CELF4: variants seen among roughly 807,000 people sequenced by gnomAD.
The protein encoded by CELF4 is CUGBP Elav-like family member 4.
Under a neutral mutation model 59.9 loss-of-function variants are expected in CELF4, and 18 were observed. That is an observed-to-expected ratio of 0.30 (90% confidence interval 0.21 to 0.45). CELF4 has a LOEUF of 0.45. Among genes scored for constraint, CELF4 ranks in the 20% least tolerant of loss-of-function variants. The pLI, the probability that CELF4 is intolerant of heterozygous loss-of-function variation, is 1.00. For missense variants in CELF4, 456 were observed against 689.0 expected (o/e 0.66, Z 3.79); for synonymous variants, 261 against 267.1 (o/e 0.98, Z 0.22).
intron 2 of CELF4, among the ~76,000 whole-genome samples, chr18:37,460,404 G>A (rs1428949539): frequency 3.3e-5 from 5 of 152,302 alleles, no homozygotes; most frequent in African/African-American, 7.2e-5. Flanking sequence ...TGAGGACATC[G>A]TGCAGCCCAA....
chr18:37,557,263 T>C (rs185937368), intron 1 of CELF4, among the ~76,000 whole-genome samples: 406 of 152,334 alleles, frequency 2.7e-3, no homozygotes, highest in Non-Finnish European at 4.9e-3. Context: ...TGTGTTTCTA[T>C]AAACTCCTTT....
At chr18:37,506,145 ACAAAT>A (rs1331408326) in intron 1 of CELF4, among the ~76,000 whole-genome samples, 1 of 151,882 alleles carries the variant, frequency 6.6e-6, no homozygotes, top group East Asian at 1.9e-4. Context: ...GAGCAGAAAA[ACAAAT>A]CAAAGTTGCC....
At chr18:37,457,975 G>C (rs529571468) in intron 2 of CELF4, among the ~76,000 whole-genome samples, 1 of 152,132 alleles carries the variant, frequency 6.6e-6, no homozygotes, top group African/African-American at 2.4e-5. Context: ...GATTCACACC[G>C]AGGTGTCAGG....
At chr18:37,419,133 C>T (rs1327261166) in intron 2 of CELF4, among the ~76,000 whole-genome samples, 15 of 152,196 alleles carry the variant, frequency 9.9e-5, no homozygotes, top group Admixed American at 2.0e-4. Context: ...ATTTCCTCAG[C>T]ACCTAGTGCA....
intron 1 of CELF4, among the ~76,000 whole-genome samples, chr18:37,505,828 C>G (rs2099937200): frequency 6.6e-6 from 1 of 152,214 alleles, no homozygotes; most frequent in African/African-American, 2.4e-5. Context: ...GCTCCCAGTA[C>G]ACTGCCAGGC....
At chr18:37,437,595 T>C (rs1238586250) in intron 2 of CELF4, among the ~76,000 whole-genome samples, 1 of 152,078 alleles carries the variant, frequency 6.6e-6, no homozygotes, top group Non-Finnish European at 1.5e-5. Context: ...AGGTAAGGCA[T>C]TAGAGTGGCT....
chr18:37,313,185 C>A (rs2096738390), intron 3 of CELF4, among the ~76,000 whole-genome samples: 1 of 152,184 alleles, frequency 6.6e-6, no homozygotes, highest in African/African-American at 2.4e-5. Flanking sequence ...CAAACCAACA[C>A]CAAATCAATG....
At chr18:37,296,810 C>T (rs2095669411) in intron 3 of CELF4, among the ~76,000 whole-genome samples, 1 of 152,200 alleles carries the variant, frequency 6.6e-6, no homozygotes, top group Non-Finnish European at 1.5e-5. Context: ...CTAAAGGAAG[C>T]TGTTGAACTG....
intron 1 of CELF4, 54 bp from the exon 2 acceptor site, chr18:37,485,661 C>G: frequency 8.2e-7 from 1 of 1,221,554 alleles, no homozygotes. Context: ...CCGGGCCCGC[C>G]GACGCGCCCT....
At chr18:37,343,598 T>C (rs1424384298) in intron 2 of CELF4, among the ~76,000 whole-genome samples, 1 of 151,728 alleles carries the variant, frequency 6.6e-6, no homozygotes, top group Non-Finnish European at 1.5e-5. Context: ...GGGTTGCGTG[T>C]GTATATGTGG....
intron 1 of CELF4, among the ~76,000 whole-genome samples, chr18:37,551,864 C>T (rs2099983298): frequency 6.6e-6 from 1 of 152,206 alleles, no homozygotes; most frequent in Admixed American, 6.5e-5. Flanking sequence ...ACTGATTCTC[C>T]CTCAGCCAGG....
intron 3 of CELF4, among the ~76,000 whole-genome samples, chr18:37,292,589 G>C (rs1603228086): frequency 6.6e-6 from 1 of 152,316 alleles, no homozygotes. Flanking sequence ...CCCTGGAATG[G>C]AGGAAACTTG....
At chr18:37,292,495 G>A (rs549134231) in intron 3 of CELF4, among the ~76,000 whole-genome samples, 3 of 152,142 alleles carry the variant, frequency 2.0e-5, no homozygotes, top group Non-Finnish European at 4.4e-5. Context: ...TGGGTGGAGG[G>A]GGTGTCCCAG....
At chr18:37,487,266 C>G (rs916042034) in intron 1 of CELF4, among the ~76,000 whole-genome samples, 3 of 152,214 alleles carry the variant, frequency 2.0e-5, no homozygotes, top group African/African-American at 7.2e-5. Context: ...CCTTCCCTTT[C>G]TGGCTTCAGA....
At chr18:37,293,902 T>C (rs1444440344) in intron 3 of CELF4, among the ~76,000 whole-genome samples, 1 of 114,250 alleles carries the variant, frequency 8.8e-6, no homozygotes, top group Non-Finnish European at 1.8e-5. Context: ...CTTTACCACA[T>C]CAAACATATG....
intron 1 of CELF4, among the ~76,000 whole-genome samples, chr18:37,524,909 C>G (rs576912477): frequency 1.3e-5 from 2 of 152,146 alleles, no homozygotes; most frequent in African/African-American, 4.8e-5. Context: ...CGGCTGCGCC[C>G]CAGTCCCGAG....
At chr18:37,560,007 TCA>T (rs2099986053) in intron 1 of CELF4, among the ~76,000 whole-genome samples, 1 of 152,236 alleles carries the variant, frequency 6.6e-6, no homozygotes, top group African/African-American at 2.4e-5. Flanking sequence ...AGAAAAGATT[TCA>T]TTTTGTTGTG....
intron 12 of CELF4, chr18:37,247,620 A>AACACACACACACGC (rs2062828721): frequency 6.6e-6 from 1 of 151,686 alleles, no homozygotes; most frequent in Non-Finnish European, 1.5e-5. Context: ...TGGGCACATC[A>AACACACACACACGC]ACACACACAC....
At chr18:37,554,107 C>T (rs2099984061) in intron 1 of CELF4, among the ~76,000 whole-genome samples, 1 of 152,140 alleles carries the variant, frequency 6.6e-6, no homozygotes, top group African/African-American at 2.4e-5. Context: ...TGACTGAATG[C>T]TGGTGCCAGA....
Sources: gnomAD v4.1 joint callset for allele counts (sites outside exome capture counted in the v4.1 genomes callset) on GRCh38, gnomAD v4.1.1 for gene constraint, MANE v1.5 for transcripts, NCBI Gene and HGNC (gene_info 2026-07-23, HGNC 2026-07-21) for gene names.